NDUFA12: variants seen among roughly 807,000 people sequenced by gnomAD.
NDUFA12 encodes NADH:ubiquinone oxidoreductase subunit A12, also known as NADH dehydrogenase [ubiquinone] 1 alpha subcomplex subunit 12.
In NDUFA12, 17 loss-of-function variants were observed where a neutral mutation model predicts 20.3. The ratio of observed to expected loss-of-function variants is 0.84; its 90% CI spans 0.57 to 1.26. NDUFA12 has a LOEUF of 1.26. Among genes scored for constraint, NDUFA12 ranks in the 50% most tolerant of loss-of-function variants. The pLI, the probability that NDUFA12 is intolerant of heterozygous loss-of-function variation, is 0.00. For missense variants in NDUFA12, 191 were observed against 183.7 expected (o/e 1.04, Z -0.23); for synonymous variants, 72 against 63.6 (o/e 1.13, Z -0.63).
intron 2 of NDUFA12, among the ~76,000 whole-genome samples, chr12:94,998,881 T>A (rs1217318633): frequency 1.3e-5 from 2 of 152,170 alleles, no homozygotes; most frequent in Non-Finnish European, 2.9e-5. Context: ...ATGCACATAA[T>A]CAATATTGTG....
chr12:94,997,024 C>A, intron 2 of NDUFA12: 1 of 309,108 alleles, frequency 3.2e-6, no homozygotes, highest in Non-Finnish European at 6.2e-6. Context: ...TATTCTAGGT[C>A]TAAAATTCTG....
intron 2 of NDUFA12, 51 bp from the exon 3 acceptor site, chr12:94,994,308 T>C (rs751056184): frequency 1.9e-5 from 26 of 1,348,370 alleles, no homozygotes; most frequent in Admixed American, 1.4e-4. Context: ...TTTTAAAGCA[T>C]AGATGCATAA....
At chr12:94,987,925 C>T (rs1282268867) in intron 3 of NDUFA12, among the ~76,000 whole-genome samples, 1 of 151,638 alleles carries the variant, frequency 6.6e-6, no homozygotes, top group Non-Finnish European at 1.5e-5. Flanking sequence ...AGGAAACTAT[C>T]ATTCTACATC....
chr12:95,002,437 C>CAAAAAAAAAAAAA (rs71075895), intron 2 of NDUFA12, among the ~76,000 whole-genome samples: 1 of 63,620 alleles, frequency 1.6e-5, no homozygotes, highest in African/African-American at 6.9e-5. Flanking sequence ...GACTCCATCT[C>CAAAAAAAAAAAAA]AAAAAAAAAA....
chr12:94,995,184 C>T (rs1874780152), intron 2 of NDUFA12, among the ~76,000 whole-genome samples: 1 of 152,122 alleles, frequency 6.6e-6, no homozygotes, highest in Non-Finnish European at 1.5e-5. Flanking sequence ...CAGGGTTTTC[C>T]CAGGTAAACA....
chr12:95,003,275 C>T (rs933019228), intron 1 of NDUFA12, among the ~76,000 whole-genome samples: 1 of 152,124 alleles, frequency 6.6e-6, no homozygotes, highest in African/African-American at 2.4e-5. Context: ...AACTGTACGG[C>T]AGTGCAGGGA....
intron 3 of NDUFA12, among the ~76,000 whole-genome samples, chr12:94,975,893 A>C (rs979674369): frequency 6.6e-6 from 1 of 152,086 alleles, no homozygotes; most frequent in African/African-American, 2.4e-5. Flanking sequence ...AAAAAATGCA[A>C]AAATTAGCCA....
intron 3 of NDUFA12, among the ~76,000 whole-genome samples, chr12:94,987,656 C>T (rs185951697): frequency 5.7e-4 from 87 of 152,078 alleles, no homozygotes; most frequent in Non-Finnish European, 1.1e-3. Context: ...CAAAAATTCG[C>T]CAGGTGTAGT....
rs138810463 is a variant in NDUFA12, at chr12:94,971,904, A to AT, written c.258-285dup. On this transcript the variant is annotated intron_variant, in intron 3 of 3. Transcript: ENST00000327772. The stretch of plus-strand genomic sequence containing the variant: ...TGTTAGCTACCGTTCTCATTACTGT[A>AT]TTTTTTTTTCTTCGTTTTCTTTCTT... 0.019 allele frequency: 10,862 copies of AT among 557,988 alleles called. 222 individuals are homozygous for AT. The highest frequency in any genetic ancestry group is 0.02 in the Non-Finnish European group (6,122 of 307,808). The allele number at this position is 557,988 out of a possible 1,614,324, so 34.6% of individuals were successfully genotyped here. A position where few individuals can be genotyped will look rare whatever the true frequency, so the allele number is the denominator to read the frequency against.
chr12:94,981,578 T>C (rs1470456531), intron 3 of NDUFA12, among the ~76,000 whole-genome samples: 1 of 152,082 alleles, frequency 6.6e-6, no homozygotes, highest in Non-Finnish European at 1.5e-5. Flanking sequence ...ATAAAACATA[T>C]AGGAAAATGA....
chr12:94,972,539 C>G (rs1374496224), intron 3 of NDUFA12: 1 of 427,344 alleles, frequency 2.3e-6, no homozygotes, highest in East Asian at 7.3e-5. Context: ...TGAGTGTAAA[C>G]ACTAGAGAAT....
At chr12:94,982,213 T>G (rs1422610047) in intron 3 of NDUFA12, among the ~76,000 whole-genome samples, 1 of 152,020 alleles carries the variant, frequency 6.6e-6, no homozygotes, top group Admixed American at 6.5e-5. Context: ...TGGGAGTCTG[T>G]GCAGTTGTTC....
At position 95,002,235 on chromosome 12, in the gene NDUFA12, T is replaced by C. The variant is rs192165833; in HGVS notation, c.169+504A>G. 6.1e-3 allele frequency among the ~76,000 whole-genome samples: 891 copies of C among 146,292 alleles called. 7 individuals carry two copies. The highest frequency in any genetic ancestry group is 0.02 in the African/African-American group (803 of 40,044). ...GGCGGGTGGATCACGAGGTCAGGAG[T>C]TCAAGACCAGCCTGGCCAATATGGT... is the stretch of plus-strand genomic sequence containing the variant. On this transcript the variant is annotated intron_variant, in intron 2 of 3. Coordinates refer to ENST00000327772, the MANE Select transcript of NDUFA12 (RefSeq NM_018838.5).
intron 3 of NDUFA12, among the ~76,000 whole-genome samples, chr12:94,973,434 C>T (rs1873955894): frequency 6.6e-6 from 1 of 152,170 alleles, no homozygotes; most frequent in Non-Finnish European, 1.5e-5. Flanking sequence ...GAGCCAGGCT[C>T]CACTAACCAC....
chr12:94,976,840 T>C (rs764752290), intron 3 of NDUFA12, among the ~76,000 whole-genome samples: 6 of 152,216 alleles, frequency 3.9e-5, no homozygotes, highest in Non-Finnish European at 7.3e-5. Flanking sequence ...ATAGTTTATT[T>C]CCACATTCCA....
intron 3 of NDUFA12, among the ~76,000 whole-genome samples, chr12:94,977,342 T>C (rs952643650): frequency 2.6e-5 from 4 of 152,032 alleles, no homozygotes; most frequent in African/African-American, 7.2e-5. Context: ...TGTGGTGGCA[T>C]GCACCTATAC....
chr12:94,976,012 G>A (rs891893558), intron 3 of NDUFA12, among the ~76,000 whole-genome samples: 9 of 152,148 alleles, frequency 5.9e-5, no homozygotes, highest in East Asian at 1.9e-4. Flanking sequence ...CCTGGACAGC[G>A]GGGGATCCCA....
chr12:94,987,051 G>A (rs1874468114), intron 3 of NDUFA12, among the ~76,000 whole-genome samples: 1 of 152,084 alleles, frequency 6.6e-6, no homozygotes, highest in African/African-American at 2.4e-5. Flanking sequence ...TAATTTCAAA[G>A]GGAAAATTAG....
chr12:94,995,384 C>T (rs1874787378), intron 2 of NDUFA12, among the ~76,000 whole-genome samples: 1 of 152,108 alleles, frequency 6.6e-6, no homozygotes, highest in Non-Finnish European at 1.5e-5. Context: ...GGAAAGGTTT[C>T]ATAAGTCAAG....
Sources: gnomAD v4.1 joint callset for allele counts (sites outside exome capture counted in the v4.1 genomes callset) on GRCh38, gnomAD v4.1.1 for gene constraint, MANE v1.5 for transcripts, NCBI Gene and HGNC (gene_info 2026-07-23, HGNC 2026-07-21) for gene names.